The following NR3C2 variants were observed in gnomAD, a reference collection of about 807,000 sequenced individuals.
NR3C2 encodes the protein nuclear receptor subfamily 3 group C member 2.
A neutral mutation model predicts 86.4 loss-of-function variants in NR3C2; 15 were observed. The ratio of observed to expected loss-of-function variants is 0.17; its 90% CI spans 0.12 to 0.27. The LOEUF (loss-of-function observed/expected upper bound fraction) is 0.27, where lower values mean the gene tolerates loss of function less well. Ranked by LOEUF, NR3C2 falls within the 10% of genes least tolerant of loss-of-function variation. The probability of loss-of-function intolerance (pLI) is 1.00; values close to 1 mark genes in which losing one functional copy is unlikely to be tolerated. For synonymous variants in NR3C2, 458 were observed against 450.5 expected, an observed-to-expected ratio of 1.02 and a Z score of -0.21; for missense variants, 960 against 1,195.6, an observed-to-expected ratio of 0.80 and a Z score of 2.91.
chr4:148,230,456 C>T (rs1022854477), intron 3 of NR3C2, among the ~76,000 whole-genome samples: 14 of 152,168 alleles, frequency 9.2e-5, no homozygotes, highest in Admixed American at 9.2e-4. Context: ...CTCAGCCTCC[C>T]TAAGTGCTGG....
intron 8 of NR3C2, among the ~76,000 whole-genome samples, chr4:148,089,296 G>T (rs1378801706): frequency 6.6e-6 from 1 of 152,192 alleles, no homozygotes; most frequent in African/African-American, 2.4e-5. Context: ...GCACCCGCAG[G>T]ATGTTTGGGC....
At chr4:148,270,138 CTGACCTTTA>C (rs1740606458) in intron 2 of NR3C2, among the ~76,000 whole-genome samples, 1 of 151,296 alleles carries the variant, frequency 6.6e-6, no homozygotes, top group Non-Finnish European at 1.5e-5. Context: ...CTTCATCATG[CTGACCTTTA>C]TCAGCAACAA....
chr4:148,358,134 G>T (rs1423483350), intron 2 of NR3C2, among the ~76,000 whole-genome samples: 1 of 152,068 alleles, frequency 6.6e-6, no homozygotes, highest in Non-Finnish European at 1.5e-5. Context: ...TATACCCAAA[G>T]GACTATAAAT....
intron 3 of NR3C2, among the ~76,000 whole-genome samples, chr4:148,218,949 C>A (rs979969721): frequency 6.6e-6 from 1 of 152,110 alleles, no homozygotes; most frequent in African/African-American, 2.4e-5. Context: ...TATGGGCATA[C>A]ATTTTCATTT....
chr4:148,150,959 T>C (rs906955753), intron 6 of NR3C2, among the ~76,000 whole-genome samples: 1 of 152,124 alleles, frequency 6.6e-6, no homozygotes, highest in Non-Finnish European at 1.5e-5. Context: ...ATATATAGAA[T>C]AGGTAAATTC....
At chr4:148,214,561 A>C (rs184611992) in intron 3 of NR3C2, among the ~76,000 whole-genome samples, 2 of 152,304 alleles carry the variant, frequency 1.3e-5, no homozygotes, top group African/African-American at 2.4e-5. Flanking sequence ...TAACTAAGAA[A>C]ACAGGGAAGA....
chr4:148,183,851 T>C (rs1023456057), intron 4 of NR3C2, among the ~76,000 whole-genome samples: 1 of 152,194 alleles, frequency 6.6e-6, no homozygotes, highest in Non-Finnish European at 1.5e-5. Flanking sequence ...ATGGAATGTA[T>C]AGTTCAACAG....
intron 2 of NR3C2, among the ~76,000 whole-genome samples, chr4:148,321,183 C>A (rs28770279): frequency 9.3e-6 from 1 of 107,168 alleles, no homozygotes; most frequent in Non-Finnish European, 2.2e-5. Flanking sequence ...TGTAGTTGAG[C>A]GGTTTTGAGT....
At chr4:148,224,407 C>G (rs1316156222) in intron 3 of NR3C2, among the ~76,000 whole-genome samples, 2 of 152,332 alleles carry the variant, frequency 1.3e-5, no homozygotes, top group Admixed American at 6.5e-5. Context: ...GCGCTACACA[C>G]AGTAAAGCTC....
intron 2 of NR3C2, among the ~76,000 whole-genome samples, chr4:148,396,596 C>T (rs979225167): frequency 6.6e-6 from 1 of 152,154 alleles, no homozygotes; most frequent in African/African-American, 2.4e-5. Flanking sequence ...ACAAGCACAA[C>T]CTTCATACCA....
intron 2 of NR3C2, among the ~76,000 whole-genome samples, chr4:148,324,323 A>G (rs539644873): frequency 1.4e-5 from 2 of 146,802 alleles, no homozygotes; most frequent in South Asian, 4.5e-4. Context: ...AGACTGAATA[A>G]TATTCCTCTG....
At chr4:148,271,653 T>C (rs1189504828) in intron 2 of NR3C2, among the ~76,000 whole-genome samples, 2 of 152,184 alleles carry the variant, frequency 1.3e-5, no homozygotes, top group African/African-American at 4.8e-5. Context: ...CCTCTTTCCA[T>C]CTCTGTCCCC....
At chr4:148,445,081 G>T, upstream of NR3C2, 1 of 852,372 alleles carries the variant, frequency 1.2e-6, no homozygotes, top group Non-Finnish European at 1.4e-6. Flanking sequence ...ACGGGCAGGG[G>T]CGCCGGCAGC....
At chr4:148,320,139 T>C (rs980229514) in intron 2 of NR3C2, among the ~76,000 whole-genome samples, 4 of 102,552 alleles carry the variant, frequency 3.9e-5, no homozygotes, top group African/African-American at 1.8e-4. Context: ...GATAATCATG[T>C]GGTTTTTGTC....
chr4:148,431,377 A>C (rs1248214899), intron 2 of NR3C2, among the ~76,000 whole-genome samples: 1 of 152,192 alleles, frequency 6.6e-6, no homozygotes, highest in Non-Finnish European at 1.5e-5. Flanking sequence ...GATTCTTCAA[A>C]GGAAATTACA....
intron 4 of NR3C2, among the ~76,000 whole-genome samples, chr4:148,175,473 C>T (rs1735332224): frequency 6.6e-6 from 1 of 152,214 alleles, no homozygotes; most frequent in Non-Finnish European, 1.5e-5. Context: ...GACGTCCCAT[C>T]ATTCTTCCAC....
chr4:148,325,127 A>C (rs1015975003), intron 2 of NR3C2, among the ~76,000 whole-genome samples: 1 of 127,092 alleles, frequency 7.9e-6, no homozygotes, highest in African/African-American at 3.7e-5. Flanking sequence ...AGAGAGAGGG[A>C]GAGAGAATGA....
intron 2 of NR3C2, among the ~76,000 whole-genome samples, chr4:148,261,273 A>ATGGTCAGCGCTATGGTGCG (rs1740090273): frequency 2.9e-4 from 25 of 85,440 alleles, no homozygotes; most frequent in South Asian, 7.6e-4. Flanking sequence ...GCTATGGTGC[A>ATGGTCAGCGCTATGGTGCG]CTATGGTAAG....
intron 4 of NR3C2, among the ~76,000 whole-genome samples, chr4:148,185,974 A>C (rs2149794868): frequency 6.6e-6 from 1 of 152,320 alleles, no homozygotes; most frequent in African/African-American, 2.4e-5. Flanking sequence ...ATATAGGATA[A>C]ATTCCTAAAA....
Sources: gnomAD v4.1 joint callset for allele counts (sites outside exome capture counted in the v4.1 genomes callset) on GRCh38, gnomAD v4.1.1 for gene constraint, MANE v1.5 for transcripts, NCBI Gene and HGNC (gene_info 2026-07-23, HGNC 2026-07-21) for gene names.